Variants in ZBTB20 observed in about 807,000 individuals in gnomAD.
ZBTB20 encodes the protein zinc finger and BTB domain containing 20, also known as zinc finger and BTB domain-containing protein 20.
ZBTB20 carries 9 observed loss-of-function variants against 56.9 expected under a neutral mutation model. That is an observed-to-expected ratio of 0.16 (90% confidence interval 0.10 to 0.28). ZBTB20 has a LOEUF of 0.28. Ranked by LOEUF, ZBTB20 falls within the 10% of genes least tolerant of loss-of-function variation. The probability of loss-of-function intolerance (pLI) is 1.00; values close to 1 mark genes in which losing one functional copy is unlikely to be tolerated. For synonymous variants in ZBTB20, 417 were observed against 420.7 expected, an observed-to-expected ratio of 0.99 and a Z score of 0.11; for missense variants, 655 against 1,003.0, an observed-to-expected ratio of 0.65 and a Z score of 4.69.
rs1381314691 is a variant in ZBTB20 at position 114,320,550 on chromosome 3, A to C, written c.*18455T>G. ...GATTGGCAAGCACTGGTTAAAAAACAGGTAAGGCTACTCTTAGATTTCTAA... is the reference window on the plus strand; with the variant it reads ...GATTGGCAAGCACTGGTTAAAAAACCGGTAAGGCTACTCTTAGATTTCTAA... On this transcript the variant is annotated 3_prime_UTR_variant, in exon 12 of 12. Coordinates refer to ENST00000675478, the MANE Select transcript of ZBTB20 (RefSeq NM_001348800.3). 6.6e-6 allele frequency: 1 copy of C among 152,218 alleles called. No individual in the cohort carries two copies. The highest frequency in any genetic ancestry group is 2.4e-5 in the African/African-American group (1 of 41,458). The allele number at this position is 152,218 out of a possible 1,614,324, so 9.4% of individuals were successfully genotyped here.
chr3:114,402,454 T>A (rs2086906591), intron 7 of ZBTB20, among the ~76,000 whole-genome samples: 1 of 152,150 alleles, frequency 6.6e-6, no homozygotes, highest in Non-Finnish European at 1.5e-5. Flanking sequence ...TATCTGCAAA[T>A]CTGGCTGGAT....
chr3:115,053,732 T>C (rs536423740), intron 2 of ZBTB20, among the ~76,000 whole-genome samples: 114 of 152,290 alleles, frequency 7.5e-4, no homozygotes, highest in Middle Eastern at 3.4e-3. Context: ...ATTTGTTCTC[T>C]GCTTATATTA....
At chr3:115,039,864 C>T (rs1275476461) in intron 2 of ZBTB20, among the ~76,000 whole-genome samples, 1 of 151,888 alleles carries the variant, frequency 6.6e-6, no homozygotes, top group Non-Finnish European at 1.5e-5. Flanking sequence ...TAAATTATGG[C>T]CATCTATTTT....
chr3:114,498,389 T>C (rs2718414), intron 7 of ZBTB20, among the ~76,000 whole-genome samples: 22,906 of 152,106 alleles, frequency 0.15, 1,777 homozygotes, highest in Middle Eastern at 0.3. Flanking sequence ...AGGAGGCCAT[T>C]GAAGAGGCAC....
chr3:115,044,234 C>T (rs762005411), intron 2 of ZBTB20, among the ~76,000 whole-genome samples: 11 of 152,154 alleles, frequency 7.2e-5, no homozygotes, highest in Non-Finnish European at 1.3e-4. Context: ...TTTCAAATCA[C>T]GTAAGACTAA....
intron 3 of ZBTB20, among the ~76,000 whole-genome samples, chr3:114,964,885 C>A (rs1386935464): frequency 6.6e-6 from 1 of 152,168 alleles, no homozygotes; most frequent in East Asian, 1.9e-4. Flanking sequence ...AAACTGAATT[C>A]TTCTAAGCCT....
At chr3:114,989,189 T>G (rs2078689903) in intron 2 of ZBTB20, among the ~76,000 whole-genome samples, 1 of 152,188 alleles carries the variant, frequency 6.6e-6, no homozygotes, top group African/African-American at 2.4e-5. Context: ...GCCTATGTCC[T>G]GAATGGTATT....
intron 2 of ZBTB20, among the ~76,000 whole-genome samples, chr3:115,032,977 AC>A (rs377701419): frequency 0.021 from 3,104 of 147,370 alleles, 40 homozygotes; most frequent in South Asian, 0.027. Flanking sequence ...AAAAAAAAAA[AC>A]AAACTAAACC....
At chr3:115,081,743 A>G (rs1314245146) in intron 1 of ZBTB20, among the ~76,000 whole-genome samples, 1 of 152,138 alleles carries the variant, frequency 6.6e-6, no homozygotes, top group Non-Finnish European at 1.5e-5. Context: ...CTTACCTTGA[A>G]ATGTTTGACT....
At chr3:114,813,131 A>G (rs916082959) in intron 4 of ZBTB20, among the ~76,000 whole-genome samples, 7 of 152,222 alleles carry the variant, frequency 4.6e-5, no homozygotes, top group Non-Finnish European at 8.8e-5. Context: ...AAGGGCTCCT[A>G]AAGTGCCGCC....
chr3:114,793,378 G>GT lies in ZBTB20; in HGVS notation c.-343+7722dup, dbSNP rs938341307. ...TTTACTTCTCATTCATTTTTCAAAG[G>GT]TTTTTTTCAGTAGATCTAGGTTATT... On this transcript the variant is annotated intron_variant, in intron 5 of 11. Transcript: ENST00000675478. Among the ~76,000 whole-genome samples the GT allele has an allele frequency of 4.6e-5, 7 of 151,866 alleles. No homozygotes were observed. The East Asian group carries it at 5.8e-4, about 13-fold the overall frequency.
chr3:114,840,932 T>C (rs2074360066), intron 4 of ZBTB20, among the ~76,000 whole-genome samples: 1 of 152,158 alleles, frequency 6.6e-6, no homozygotes, highest in African/African-American at 2.4e-5. Flanking sequence ...CAACAAACTT[T>C]TGAAAAAAAT....
In ZBTB20 at chr3:115,035,912, CAT is replaced by C. The variant is rs552623046; in HGVS notation, c.-507+35305_-507+35306del. ...GTCTTAAAAAGTAAGGAAATTGTGA[CAT>C]ATGCTACAACATCAGTGAACTTTGA... On this transcript the variant is annotated intron_variant, in intron 2 of 11. Coordinates refer to ENST00000675478, the MANE Select transcript of ZBTB20 (RefSeq NM_001348800.3). Among the ~76,000 whole-genome samples, 433 of 152,202 alleles carry C rather than the reference CAT, an allele frequency of 2.8e-3. 1 individual carries two copies. The highest frequency in any genetic ancestry group is 0.01 in the African/African-American group (421 of 41,488).
chr3:114,801,305 C>CTTTTTT (rs1271102943), intron 4 of ZBTB20, 131 bp from the exon 5 acceptor site: 2 of 55,326 alleles, frequency 3.6e-5, no homozygotes, highest in Non-Finnish European at 7.3e-5. Flanking sequence ...TTCTTTTTTT[C>CTTTTTT]TTTTTTTTTT....
At position 114,323,262 on chromosome 3, in the gene ZBTB20, A is replaced by G. The variant is rs1392058733; in HGVS notation, c.*15743T>C. The G allele has an allele frequency of 6.6e-6, 1 of 152,240 alleles. No homozygotes were observed. Among genetic ancestry groups the G allele is most frequent in the Non-Finnish European group, 1.5e-5 (1 of 68,044 alleles). 9.4% of individuals were successfully genotyped at this position (152,240 alleles called of 1,614,324 possible). A position where few individuals can be genotyped will look rare whatever the true frequency, so the allele number is the denominator to read the frequency against. On this transcript the variant is annotated 3_prime_UTR_variant, in exon 12 of 12. Coordinates refer to ENST00000675478, the MANE Select transcript of ZBTB20 (RefSeq NM_001348800.3). ...TATTAAGGTCTTCTGCTTAGTAAGG[A>G]TAGTCTATGATGGAGCAGCTAGTAT... is the stretch of plus-strand genomic sequence containing the variant.
At chr3:114,828,021 A>G (rs2073633867) in intron 4 of ZBTB20, among the ~76,000 whole-genome samples, 1 of 151,698 alleles carries the variant, frequency 6.6e-6, no homozygotes, top group Admixed American at 6.6e-5. Context: ...AATACATCAA[A>G]GTAAGATTAA....
intron 3 of ZBTB20, among the ~76,000 whole-genome samples, chr3:114,965,481 T>A (rs541451967): frequency 6.6e-6 from 1 of 152,204 alleles, no homozygotes; most frequent in East Asian, 1.9e-4. Context: ...CATTATACTC[T>A]CCGTTTCTAT....
At chr3:114,648,273 CATA>C (rs1275437548) in intron 6 of ZBTB20, among the ~76,000 whole-genome samples, 3 of 151,696 alleles carry the variant, frequency 2.0e-5, no homozygotes, top group Non-Finnish European at 2.9e-5. Flanking sequence ...ACATGTTATA[CATA>C]ATAATAATAG....
At chr3:115,018,999 G>C (rs201638966) in intron 2 of ZBTB20, among the ~76,000 whole-genome samples, 1 of 151,164 alleles carries the variant, frequency 6.6e-6, no homozygotes, top group Non-Finnish European at 1.5e-5. Flanking sequence ...TTTTAATACA[G>C]TGTTAACTTT....
Sources: gnomAD v4.1 joint callset for allele counts (sites outside exome capture counted in the v4.1 genomes callset) on GRCh38, gnomAD v4.1.1 for gene constraint, MANE v1.5 for transcripts, NCBI Gene and HGNC (gene_info 2026-07-23, HGNC 2026-07-21) for gene names.